CRNKL1: variants seen among roughly 807,000 people sequenced by gnomAD.
CRNKL1 encodes crooked neck pre-mRNA splicing factor 1.
Under a neutral mutation model 103.7 loss-of-function variants are expected in CRNKL1, and 35 were observed. That is an observed-to-expected ratio of 0.34 (90% CI 0.26 to 0.45). The LOEUF (loss-of-function observed/expected upper bound fraction) is 0.45, where lower values mean the gene tolerates loss of function less well. CRNKL1 is among the 20% of genes least tolerant of loss of function. CRNKL1 has a pLI of 1.00. For missense variants in CRNKL1, 645 were observed against 836.0 expected, an observed-to-expected ratio of 0.77 and a Z score of 2.82; for synonymous variants, 267 against 282.6, an observed-to-expected ratio of 0.94 and a Z score of 0.55.
chr20:20,048,358 C>T lies in CRNKL1; in HGVS notation c.440G>A (p.Arg147Gln), dbSNP rs2043627968. The T allele has an allele frequency of 1.9e-6, 3 of 1,614,144 alleles. No homozygotes were observed. Among genetic ancestry groups the T allele is most frequent in the Non-Finnish European group, 2.5e-6 (3 of 1,180,036 alleles). ...AGAAACTTACCAGAACTGATTAACT[C>T]GAGGCAGCGTTGTTATGGCCCGGTC... ...IWDRAITTLPRVNQFWYKYTY... is the reference protein window; with the variant it reads ...IWDRAITTLPQVNQFWYKYTY... Residue 147 changes from arginine (R) to glutamine (Q), a missense_variant, in exon 4 of 14, where the codon CGA becomes CAA. Arg to Gln is a conservative substitution (Grantham distance 43). This residue lies in a region of CRNKL1 where 582 missense variants were observed against 707.7 expected (regional missense o/e 0.82). Coordinates refer to ENST00000536226, the MANE Select transcript of CRNKL1 (RefSeq NM_001278628.2).
chr20:20,047,109 T>C (rs2043605170), intron 5 of CRNKL1, among the ~76,000 whole-genome samples: 1 of 152,162 alleles, frequency 6.6e-6, no homozygotes, highest in Non-Finnish European at 1.5e-5. Context: ...CAGTAAACCT[T>C]GGATGAACTC....
At chr20:20,043,417 T>A (rs920620528) in intron 7 of CRNKL1, 75 bp downstream of exon 7, 35 of 1,388,272 alleles carry the variant, frequency 2.5e-5, no homozygotes, top group Non-Finnish European at 3.3e-5. Context: ...TTGCTATTAT[T>A]CATTTTAGTG....
chr20:20,046,807 A>G (rs2043600872), intron 5 of CRNKL1, among the ~76,000 whole-genome samples: 1 of 152,224 alleles, frequency 6.6e-6, no homozygotes, highest in African/African-American at 2.4e-5. Context: ...ACCAGAAGGC[A>G]AGCCTCACCT....
At chr20:20,037,277 C>T (rs1446979137) in intron 13 of CRNKL1, 46 bp downstream of exon 13, 2 of 1,585,290 alleles carry the variant, frequency 1.3e-6, no homozygotes, top group African/African-American at 2.7e-5. Flanking sequence ...AGAAGTGTTT[C>T]TACTCATGTG....
chr20:20,040,710 A>G lies in CRNKL1; in HGVS notation c.1281T>C (p.Asn427=), dbSNP rs905119335. 6.2e-7 allele frequency: 1 copy of G among 1,611,760 alleles called. No individual in the cohort carries two copies. The highest frequency in any genetic ancestry group is 1.3e-5 in the African/African-American group (1 of 74,906). ...CCAATGCTCTTCTGGCTAATGACAG[A>G]TTCTTCTGTCGTATTTCAAACTGTG... ...LYAQFEIRQK[N]LSLARRALGT... Residue 427 remains asparagine, a synonymous_variant, in exon 10 of 14, where the codon AAT becomes AAC. Transcript: ENST00000536226.
intron 11 of CRNKL1, among the ~76,000 whole-genome samples, chr20:20,039,264 C>T (rs1336540918): frequency 1.3e-5 from 2 of 152,186 alleles, no homozygotes; most frequent in Admixed American, 6.5e-5. Flanking sequence ...CTACCTCCAT[C>T]CCCCTCGTTC....
At chr20:20,045,514 C>CA in intron 5 of CRNKL1, 28 bp from the exon 6 acceptor site, 2 of 1,563,632 alleles carry the variant, frequency 1.3e-6, no homozygotes, top group African/African-American at 1.4e-5. Context: ...AAATCCCAGG[C>CA]AAAACAGCAT....
chr20:20,048,973 G>T (rs1186369486), intron 3 of CRNKL1, among the ~76,000 whole-genome samples: 1 of 152,164 alleles, frequency 6.6e-6, no homozygotes, highest in African/African-American at 2.4e-5. Flanking sequence ...AATGCAGAAA[G>T]CTAGACCACA....
intron 2 of CRNKL1, among the ~76,000 whole-genome samples, chr20:20,049,826 T>C (rs1047047349): frequency 7.9e-5 from 12 of 151,734 alleles, no homozygotes; most frequent in African/African-American, 2.2e-4. Context: ...TTCTTTCTTT[T>C]TTTTTTTTTG....
At chr20:20,038,870 G>A (rs1279072501) in intron 11 of CRNKL1, among the ~76,000 whole-genome samples, 1 of 152,160 alleles carries the variant, frequency 6.6e-6, no homozygotes, top group Non-Finnish European at 1.5e-5. Flanking sequence ...AGTGCAACAA[G>A]CATTCACTGA....
rs117879015 is a variant in CRNKL1 at position 20,046,655 on chromosome 20, G to A, written c.622+1110C>T. On this transcript the variant is annotated intron_variant, in intron 5 of 13. Transcript: ENST00000536226. ...ATTATTTTGTAAGAAAAGTGGTTCA[G>A]AAATGTTAAGTGACTGGACTGAGGC... is the stretch of plus-strand genomic sequence containing the variant. 4.7e-3 allele frequency among the ~76,000 whole-genome samples: 720 copies of A among 152,294 alleles called. 2 individuals carry two copies. The highest frequency in any genetic ancestry group is 0.011 in the Admixed American group (168 of 15,300).
chr20:20,052,247 C>G, intron 1 of CRNKL1, 45 bp downstream of exon 1: 1 of 1,537,750 alleles, frequency 6.5e-7, no homozygotes, highest in Non-Finnish European at 8.8e-7. Flanking sequence ...TGAGGGATGC[C>G]CCTTTCCTAG....
Position 20,034,548 on chromosome 20 carries a change from T to TCATAAAC in CRNKL1, c.*1646_*1647insGTTTATG, listed in dbSNP as rs2043387485. The stretch of plus-strand genomic sequence containing the variant: ...TTTTTTCTTATGCATTCATGCAACA[T>TCATAAAC]AAACAGATAATTCTAGGAAGACTGT... On this transcript the variant is annotated 3_prime_UTR_variant, in exon 14 of 14. Transcript: ENST00000536226. 2.0e-5 allele frequency: 3 copies of TCATAAAC among 151,810 alleles called. No individual in the cohort carries two copies. The highest frequency in any genetic ancestry group is 2.0e-4 in the Admixed American group (3 of 15,262). The allele number at this position is 151,810 out of a possible 1,614,324, so 9.4% of individuals were successfully genotyped here. A position where few individuals can be genotyped will look rare whatever the true frequency, so the allele number is the denominator to read the frequency against.
At chr20:20,049,466 A>T in intron 2 of CRNKL1, 35 bp from the exon 3 acceptor site, 2 of 987,980 alleles carry the variant, frequency 2.0e-6, no homozygotes, top group Non-Finnish European at 3.2e-6. Flanking sequence ...GTCAAAAGAC[A>T]AATGACTAAA....
intron 2 of CRNKL1, among the ~76,000 whole-genome samples, chr20:20,050,243 C>A (rs2043666090): frequency 6.6e-6 from 1 of 152,194 alleles, no homozygotes. Context: ...GATTCAGCAT[C>A]AAAAATTATG....
intron 9 of CRNKL1, 96 bp downstream of exon 9, chr20:20,041,470 C>G (rs889444303): frequency 3.0e-6 from 3 of 989,634 alleles, no homozygotes; most frequent in Non-Finnish European, 4.8e-6. Context: ...GACAGGGAAG[C>G]ATTTTATCAA....
At chr20:20,052,672 G>C, upstream of CRNKL1, 1 of 1,613,210 alleles carries the variant, frequency 6.2e-7, no homozygotes, top group African/African-American at 1.3e-5. Context: ...GTCAGCCTCC[G>C]GAACTGGGAT....
intron 1 of CRNKL1, among the ~76,000 whole-genome samples, chr20:20,051,660 G>A (rs998681930): frequency 6.6e-6 from 1 of 152,218 alleles, no homozygotes; most frequent in African/African-American, 2.4e-5. Flanking sequence ...AGACTGGAGG[G>A]AGGGTATCTG....
chr20:20,050,574 A>G lies in CRNKL1; in HGVS notation c.100T>C (p.Leu34=). Residue 34 remains leucine, a synonymous_variant, in exon 2 of 14, where the codon TTA becomes CTA. Coordinates refer to ENST00000536226, the MANE Select transcript of CRNKL1 (RefSeq NM_001278628.2). The part of the protein sequence containing the change: ...AEVQITAEQL[L]REAKERELEL... Reference sequence around the variant, plus strand: ...AGTTCTCTTTCTTTAGCCTCTCTTAAGAGTTGTTCAGCAGTTATCTGTACC... The same window carrying G: ...AGTTCTCTTTCTTTAGCCTCTCTTAGGAGTTGTTCAGCAGTTATCTGTACC... 1.9e-6 allele frequency: 3 copies of G among 1,614,012 alleles called. 1 individual carries two copies. The South Asian group carries it at 3.3e-5, about 18-fold the overall frequency.
Sources: gnomAD v4.1 joint callset for allele counts (sites outside exome capture counted in the v4.1 genomes callset) on GRCh38, gnomAD v4.1.1 for gene constraint, gnomAD v4.1.1 regional missense constraint, MANE v1.5 for transcripts, NCBI Gene and HGNC (gene_info 2026-07-23, HGNC 2026-07-21) for gene names.